Variants in PHLPP2 observed in about 807,000 individuals in gnomAD.
PHLPP2 encodes PH domain leucine-rich repeat-containing protein phosphatase 2.
Under a neutral mutation model 124.9 loss-of-function variants are expected in PHLPP2, and 66 were observed. The observed-to-expected ratio is 0.53, with a 90% CI of 0.43 to 0.65. PHLPP2 has a LOEUF of 0.65. PHLPP2 is among the 30% of genes least tolerant of loss of function. PHLPP2 has a pLI of 0.00. For synonymous variants in PHLPP2, 681 were observed against 624.7 expected (o/e 1.09, Z -1.34); for missense variants, 1,685 against 1,600.4 (o/e 1.05, Z -0.90).
chr16:71,663,863 T>C (rs779356361), intron 13 of PHLPP2, 36 bp downstream of exon 13: 10 of 1,441,812 alleles, frequency 6.9e-6, no homozygotes, highest in Non-Finnish European at 9.8e-6. Flanking sequence ...ATTAATGTTG[T>C]GTATTTGAAA....
intron 2 of PHLPP2, among the ~76,000 whole-genome samples, chr16:71,703,713 TG>T (rs2045252299): frequency 6.6e-6 from 1 of 152,200 alleles, no homozygotes; most frequent in African/African-American, 2.4e-5. Context: ...TTACTCTCAC[TG>T]TTTTAAATCC....
At chr16:71,696,681 C>T (rs892580373) in intron 3 of PHLPP2, among the ~76,000 whole-genome samples, 3 of 151,794 alleles carry the variant, frequency 2.0e-5, no homozygotes, top group African/African-American at 7.3e-5. Context: ...TTGTAAGAAT[C>T]ATGTCCTCTT....
rs2045419752 is a variant in PHLPP2, at chr16:71,724,332, G to C, written c.-10C>G. The stretch of plus-strand genomic sequence containing the variant: ...ACGAACTGTTGAGAATACTCACCTT[G>C]GCAAGGCCTTTTCTCTTCCTTATCA... On this transcript the variant is annotated 5_prime_UTR_variant, in exon 1 of 19. Coordinates refer to ENST00000568954, the MANE Select transcript of PHLPP2 (RefSeq NM_015020.3). 6.6e-6 allele frequency: 1 copy of C among 152,332 alleles called. No individual in the cohort carries two copies. Among genetic ancestry groups the C allele is most frequent in the South Asian group, 2.1e-4 (1 of 4,830 alleles). The allele number at this position is 152,332 out of a possible 1,614,324, so 9.4% of individuals were successfully genotyped here.
At chr16:71,689,888 G>A (rs1259726138) in intron 4 of PHLPP2, among the ~76,000 whole-genome samples, 2 of 152,310 alleles carry the variant, frequency 1.3e-5, no homozygotes, top group East Asian at 1.9e-4. Flanking sequence ...CTGATCCAAA[G>A]TGTGAATTCA....
chr16:71,723,913 G>A (rs2045416076), intron 1 of PHLPP2: 1 of 787,978 alleles, frequency 1.3e-6, no homozygotes, highest in Admixed American at 5.4e-5. Flanking sequence ...GCGACGGCGT[G>A]CGGAGCCTCG....
In PHLPP2 at chr16:71,658,790, C is replaced by G; in HGVS notation, c.2011G>C (p.Glu671Gln). ...TTGTTGCCACTTAGGTTCAGTTCCT[C>G]CAATTGCTCCAATTTATTTAGTTTG... ...ASKLNKLEQL[E>Q]ELNLSGNKLK... Residue 671 changes from glutamate (E) to glutamine (Q), a missense_variant, in exon 14 of 19, where the codon GAG becomes CAG. Physicochemically the swap from Glu to Gln is conservative, Grantham distance 29. Coordinates refer to ENST00000568954, the MANE Select transcript of PHLPP2 (RefSeq NM_015020.3). The G allele has an allele frequency of 1.9e-6, 3 of 1,614,078 alleles. No individual in the cohort carries two copies. The highest frequency in any genetic ancestry group is 2.5e-6 in the Non-Finnish European group (3 of 1,179,998).
chr16:71,709,345 T>C (rs971058038), intron 2 of PHLPP2, among the ~76,000 whole-genome samples: 1 of 152,164 alleles, frequency 6.6e-6, no homozygotes, highest in Non-Finnish European at 1.5e-5. Flanking sequence ...CTATTTTCTG[T>C]TATACACACC....
At chr16:71,713,693 CAAT>C (rs1214579069) in intron 2 of PHLPP2, among the ~76,000 whole-genome samples, 1 of 152,022 alleles carries the variant, frequency 6.6e-6, no homozygotes, top group Non-Finnish European at 1.5e-5. Flanking sequence ...GATATTAAGT[CAAT>C]AATGTGTTGC....
chr16:71,665,536 T>G (rs1466530424), intron 12 of PHLPP2, among the ~76,000 whole-genome samples: 2 of 152,236 alleles, frequency 1.3e-5, no homozygotes, highest in Non-Finnish European at 2.9e-5. Flanking sequence ...CTTCATGTTG[T>G]ATGATCCATA....
intron 7 of PHLPP2, among the ~76,000 whole-genome samples, 178 bp from the exon 8 acceptor site, chr16:71,679,163 G>T (rs2145337115): frequency 6.6e-6 from 1 of 152,262 alleles, no homozygotes; most frequent in East Asian, 1.9e-4. Context: ...TTAAACAAAT[G>T]GTCCCTCCAA....
At chr16:71,718,878 C>A (rs1351294559) in intron 1 of PHLPP2, among the ~76,000 whole-genome samples, 1 of 152,184 alleles carries the variant, frequency 6.6e-6, no homozygotes, top group African/African-American at 2.4e-5. Flanking sequence ...CCGATGGGCA[C>A]TTAAAAGGCC....
At chr16:71,680,674 A>C (rs1313705369) in intron 6 of PHLPP2, among the ~76,000 whole-genome samples, 1 of 152,198 alleles carries the variant, frequency 6.6e-6, no homozygotes, top group African/African-American at 2.4e-5. Context: ...TCTATCACCT[A>C]CTTTTAGATT....
At chr16:71,691,400 G>A (rs2045111264) in intron 3 of PHLPP2, among the ~76,000 whole-genome samples, 1 of 151,918 alleles carries the variant, frequency 6.6e-6, no homozygotes, top group Non-Finnish European at 1.5e-5. Context: ...GGCAAAGCTT[G>A]CAGTGAGCCA....
chr16:71,660,876 T>A (rs1324661534), intron 13 of PHLPP2, among the ~76,000 whole-genome samples: 3 of 152,110 alleles, frequency 2.0e-5, no homozygotes, highest in Non-Finnish European at 4.4e-5. Flanking sequence ...TGAAAATAGT[T>A]CAAAAGAAAC....
chr16:71,721,420 T>C lies in PHLPP2; in HGVS notation c.-7+2909A>G, dbSNP rs370618731. Among the ~76,000 whole-genome samples, 47 of 152,086 alleles carry C rather than the reference T, an allele frequency of 3.1e-4. 2 individuals carry two copies. In the South Asian group the frequency reaches 9.6e-3, roughly 31 times the overall value. ...ATCACTTGAGGCCAGGAGTTTGAGA[T>C]CAACATAGCAAGACCCCATCTCTAC... On this transcript the variant is annotated intron_variant, in intron 1 of 18. Coordinates refer to ENST00000568954, the MANE Select transcript of PHLPP2 (RefSeq NM_015020.3).
At chr16:71,715,331 T>G (rs560906183) in intron 1 of PHLPP2, 7 of 153,706 alleles carry the variant, frequency 4.6e-5, no homozygotes, top group African/African-American at 1.7e-4. Flanking sequence ...ATTGTGCCAC[T>G]GCAACCCTAT....
Position 71,702,622 on chromosome 16 carries a change from C to T in PHLPP2, c.394G>A (p.Gly132Ser), listed in dbSNP as rs760893860. Residue 132 changes from glycine (G) to serine (S), a missense_variant, in exon 3 of 19, where the codon GGC (glycine) becomes AGC (serine). Transcript: ENST00000568954. Reference protein sequence around the residue: ...IQEEATNPDLGCMIRFYGEKP... With the variant: ...IQEEATNPDLSCMIRFYGEKP... ...CCACCATAAAATCGAATCATACAGCCGAGGTCAGGATTTGTAGCCTCCTCC... is the reference window on the plus strand; with the variant it reads ...CCACCATAAAATCGAATCATACAGCTGAGGTCAGGATTTGTAGCCTCCTCC... 20 of 1,610,568 alleles carry T rather than the reference C, an allele frequency of 1.2e-5. No individual in the cohort carries two copies. The highest frequency in any genetic ancestry group is 2.2e-5 in the East Asian group (1 of 44,864).
At chr16:71,683,942 G>A (rs1284640763) in intron 5 of PHLPP2, among the ~76,000 whole-genome samples, 2 of 129,274 alleles carry the variant, frequency 1.5e-5, no homozygotes, top group Admixed American at 8.6e-5. Flanking sequence ...ACAGGCATGT[G>A]CCACTACACC....
chr16:71,671,896 A>G (rs2044896639), intron 10 of PHLPP2, among the ~76,000 whole-genome samples: 1 of 150,814 alleles, frequency 6.6e-6, no homozygotes. Flanking sequence ...CCTGGCCGAC[A>G]GAGCAAGACT....
Sources: gnomAD v4.1 joint callset for allele counts (sites outside exome capture counted in the v4.1 genomes callset) on GRCh38, gnomAD v4.1.1 for gene constraint, MANE v1.5 for transcripts, NCBI Gene and HGNC (gene_info 2026-07-23, HGNC 2026-07-21) for gene names.